Variants in DGKG observed in about 807,000 individuals in gnomAD.
DGKG encodes the protein diacylglycerol kinase gamma, also known as DAG kinase gamma.
In DGKG, 78 loss-of-function variants were observed where a neutral mutation model predicts 105.3. That is an observed-to-expected ratio of 0.74 (90% CI 0.62 to 0.89). The LOEUF (loss-of-function observed/expected upper bound fraction) is 0.89. Ranked by LOEUF, DGKG falls within the 40% of genes least tolerant of loss-of-function variation. DGKG has a pLI of 0.00. For missense variants in DGKG, 958 were observed against 1,020.1 expected (o/e 0.94, Z 0.83); for synonymous variants, 346 against 367.1 (o/e 0.94, Z 0.66).
chr3:186,187,895 G>A (rs1717720213), intron 22 of DGKG, among the ~76,000 whole-genome samples: 1 of 152,156 alleles, frequency 6.6e-6, no homozygotes, highest in South Asian at 2.1e-4. Context: ...CAAGATGAGG[G>A]TTAGGAACTG....
intron 6 of DGKG, among the ~76,000 whole-genome samples, chr3:186,287,740 A>G (rs537137559): frequency 3.9e-4 from 59 of 152,334 alleles, no homozygotes; most frequent in African/African-American, 1.3e-3. Flanking sequence ...CTTCAAACCT[A>G]TGGGAGAGAT....
At chr3:186,169,373 T>C (rs1042245384) in intron 22 of DGKG, among the ~76,000 whole-genome samples, 1 of 152,246 alleles carries the variant, frequency 6.6e-6, no homozygotes, top group Non-Finnish European at 1.5e-5. Flanking sequence ...TGTTATTTTC[T>C]TCTTTACGCT....
At chr3:186,204,642 TG>T (rs1718632682) in intron 21 of DGKG, among the ~76,000 whole-genome samples, 1 of 152,180 alleles carries the variant, frequency 6.6e-6, no homozygotes, top group South Asian at 2.1e-4. Flanking sequence ...CATTTTAAAG[TG>T]TCAGTGGCAT....
At chr3:186,239,046 T>C (rs755901326) in intron 20 of DGKG, among the ~76,000 whole-genome samples, 1 of 152,182 alleles carries the variant, frequency 6.6e-6, no homozygotes, top group Non-Finnish European at 1.5e-5. Context: ...ATTCAGTACC[T>C]TAGTACAATT....
intron 21 of DGKG, among the ~76,000 whole-genome samples, chr3:186,197,293 G>A (rs1326651392): frequency 2.0e-5 from 3 of 152,124 alleles, no homozygotes; most frequent in Non-Finnish European, 2.9e-5. Context: ...GGGTTCTGAT[G>A]GGCTGAGAGG....
At chr3:186,349,313 T>C (rs766404718) in intron 1 of DGKG, among the ~76,000 whole-genome samples, 2 of 152,378 alleles carry the variant, frequency 1.3e-5, no homozygotes, top group Non-Finnish European at 2.9e-5. Context: ...TTCATGTTTT[T>C]TGTCAGAATT....
Position 186,288,874 on chromosome 3 carries a change from T to A in DGKG, c.380A>T (p.Asn127Ile). The A allele has an allele frequency of 6.4e-7, 1 of 1,568,440 alleles. No individual in the cohort carries two copies. The highest frequency in any genetic ancestry group is 2.0e-5 in the Admixed American group (1 of 50,726). ...DEACAPDTES[N>I]MAEKQAPAED... ...AGCTGGTGCTTGCTTCTCAGCCATA[T>A]TTGATTCTGCGATGAACAAAAGGAA... Residue 127 changes from asparagine to isoleucine, a missense_variant, in exon 6 of 25, where the codon AAT becomes ATT. Around this residue, in one of 2 missense-constraint regions of DGKG, gnomAD observed 643 missense variants for 619.5 expected, o/e 1.04. Transcript: ENST00000265022.
intron 2 of DGKG, among the ~76,000 whole-genome samples, chr3:186,315,930 A>G (rs1038128591): frequency 6.6e-6 from 1 of 152,254 alleles, no homozygotes; most frequent in African/African-American, 2.4e-5. Flanking sequence ...CAGGTGCTAA[A>G]AAGATCTGAC....
intron 1 of DGKG, among the ~76,000 whole-genome samples, chr3:186,323,056 C>A (rs1311575377): frequency 6.6e-6 from 1 of 152,334 alleles, no homozygotes; most frequent in South Asian, 2.1e-4. Context: ...CTGCTGCTCT[C>A]CCTGCCTTGC....
intron 24 of DGKG, among the ~76,000 whole-genome samples, chr3:186,155,374 A>G (rs1715985859): frequency 6.6e-6 from 1 of 151,954 alleles, no homozygotes; most frequent in African/African-American, 2.4e-5. Flanking sequence ...TTATATTTTC[A>G]GTACAGACGA....
At chr3:186,273,894 G>A (rs34648256) in intron 10 of DGKG, among the ~76,000 whole-genome samples, 4 of 151,966 alleles carry the variant, frequency 2.6e-5, no homozygotes, top group Non-Finnish European at 5.9e-5. Flanking sequence ...ATCACGGGGC[G>A]GGCGGCAGGG....
rs529059198 is a variant in DGKG at position 186,250,761 on chromosome 3, G to C, written c.1761+998C>G. ...GATGGGGTTTCACCATGTTGGCCAG[G>C]CTGGTCTCGAACTCCTGGCCTCAGG... On this transcript the variant is annotated intron_variant, in intron 19 of 24. Coordinates refer to ENST00000265022, the MANE Select transcript of DGKG (RefSeq NM_001346.3). Among the ~76,000 whole-genome samples, 3 of 151,930 alleles carry C rather than the reference G, an allele frequency of 2.0e-5. No homozygotes were observed. The South Asian group carries it at 6.3e-4, about 32-fold the overall frequency.
chr3:186,278,430 C>T (rs940543663), intron 9 of DGKG, among the ~76,000 whole-genome samples: 1 of 151,980 alleles, frequency 6.6e-6, no homozygotes, highest in Non-Finnish European at 1.5e-5. Flanking sequence ...GGGTGAGAGG[C>T]GTGATGTGAG....
At chr3:186,355,900 A>G (rs562653185) in intron 1 of DGKG, among the ~76,000 whole-genome samples, 1 of 152,320 alleles carries the variant, frequency 6.6e-6, no homozygotes, top group South Asian at 2.1e-4. Flanking sequence ...ATGTGGAATG[A>G]GCTTTTAGGA....
chr3:186,336,767 G>A (rs1476292788), intron 1 of DGKG, among the ~76,000 whole-genome samples: 2 of 152,204 alleles, frequency 1.3e-5, no homozygotes, highest in East Asian at 3.9e-4. Flanking sequence ...GGAGGAGGGA[G>A]AGGAAGAAGA....
chr3:186,350,881 T>TATTCACA (rs1418731773), intron 1 of DGKG, among the ~76,000 whole-genome samples: 3 of 152,262 alleles, frequency 2.0e-5, no homozygotes, highest in Non-Finnish European at 4.4e-5. Flanking sequence ...TGCTTATTGC[T>TATTCACA]ATTCACATAT....
intron 11 of DGKG, 114 bp from the exon 12 acceptor site, chr3:186,269,031 C>T (rs1248084719): frequency 5.7e-6 from 4 of 706,272 alleles, no homozygotes; most frequent in Non-Finnish European, 9.8e-6. Context: ...GGGACTGTTT[C>T]CTATTTAGAG....
chr3:186,353,619 ACTCT>A lies in DGKG; in HGVS notation c.-249+8323_-249+8326del, dbSNP rs530064428. On this transcript the variant is annotated intron_variant, in intron 1 of 24. Transcript: ENST00000265022. ...CACACACACATACACATATATATAG[ACTCT>A]CTATCTATATCTATATCTATATCTA... Among the ~76,000 whole-genome samples the A allele has an allele frequency of 4.5e-3, 631 of 140,390 alleles. 2 individuals carry two copies. Among genetic ancestry groups the A allele is most frequent in the African/African-American group, 0.011 (415 of 38,554 alleles). 92.1% of individuals were successfully genotyped at this position (140,390 alleles called of 152,430 possible). A position where few individuals can be genotyped will look rare whatever the true frequency, so the allele number is the denominator to read the frequency against.
chr3:186,342,026 G>A (rs1228910580), intron 1 of DGKG, among the ~76,000 whole-genome samples: 2 of 152,180 alleles, frequency 1.3e-5, no homozygotes, highest in Admixed American at 6.5e-5. Context: ...TGGGGTGGGA[G>A]GAGTGAGGAG....
Sources: allele counts gnomAD v4.1 joint callset (sites outside exome capture counted in the v4.1 genomes callset), GRCh38; gene constraint gnomAD v4.1.1; regional missense constraint gnomAD v4.1.1; transcripts MANE v1.5; gene names NCBI Gene and HGNC (gene_info 2026-07-23, HGNC 2026-07-21).